JAK1: variants seen among roughly 807,000 people sequenced by gnomAD.
JAK1 encodes tyrosine-protein kinase JAK1.
A neutral mutation model predicts 136.6 loss-of-function variants in JAK1; 16 were observed. That is an observed-to-expected ratio of 0.12 (90% CI 0.08 to 0.18). The LOEUF (loss-of-function observed/expected upper bound fraction) is 0.18, where lower values mean the gene tolerates loss of function less well. Among genes scored for constraint, JAK1 ranks in the 10% least tolerant of loss-of-function variants. The probability of loss-of-function intolerance (pLI) is 1.00; values close to 1 mark genes in which losing one functional copy is unlikely to be tolerated. For missense variants in JAK1, 859 were observed against 1,450.1 expected (o/e 0.59, Z 6.62); for synonymous variants, 492 against 519.5 (o/e 0.95, Z 0.72).
chr1:64,835,421 G>A lies in JAK1; in HGVS notation c.3344C>T (p.Pro1115Leu), dbSNP rs543134894. ...CTCATCTGGACAGTTAGGTGGGCAC[G>A]GCAGGCGTTTTCCTTCTTTTAACGT... ...VNTLKEGKRL[P>L]CPPNCPDEVY... Residue 1115 changes from proline (P) to leucine (L), a missense_variant, in exon 24 of 25, where the codon CCG becomes CTG. Around this residue, in one of 4 missense-constraint regions of JAK1, gnomAD observed 53 missense variants for 64.8 expected, o/e 0.82. Coordinates refer to ENST00000342505, the MANE Select transcript of JAK1 (RefSeq NM_002227.4). 3.1e-5 allele frequency: 50 copies of A among 1,606,330 alleles called. No individual in the cohort carries two copies. In the Admixed American group the frequency reaches 4.5e-4, roughly 14 times the overall value.
chr1:64,860,731 C>T (rs942461404), intron 8 of JAK1, among the ~76,000 whole-genome samples: 1 of 151,938 alleles, frequency 6.6e-6, no homozygotes, highest in Admixed American at 6.6e-5. Context: ...GGGATTACAG[C>T]CGTGAGCCAC....
In JAK1 at chr1:64,834,204, T is replaced by C. The variant is rs1053125271; in HGVS notation, c.*358A>G. The C allele has an allele frequency of 4.0e-6, 1 of 252,932 alleles. No individual in the cohort carries two copies. The highest frequency in any genetic ancestry group is 2.2e-5 in the African/African-American group (1 of 45,832). The allele number at this position is 252,932 out of a possible 1,614,324, so 15.7% of individuals were successfully genotyped here. A position where few individuals can be genotyped will look rare whatever the true frequency, so the allele number is the denominator to read the frequency against. Reference sequence around the variant, plus strand: ...GAAAAGCAATCATCTTCAGATATTATTTTGGTCAACTCCTCGTTTTCAAAA... The same window carrying C: ...GAAAAGCAATCATCTTCAGATATTACTTTGGTCAACTCCTCGTTTTCAAAA... On this transcript the variant is annotated 3_prime_UTR_variant, in exon 25 of 25. Coordinates refer to ENST00000342505, the MANE Select transcript of JAK1 (RefSeq NM_002227.4).
chr1:64,881,665 G>A (rs1186340114), intron 3 of JAK1, among the ~76,000 whole-genome samples: 2 of 152,144 alleles, frequency 1.3e-5, no homozygotes, highest in Non-Finnish European at 2.9e-5. Flanking sequence ...CTATAAGGTA[G>A]GCTAGAAACC....
intron 2 of JAK1, chr1:64,987,790 T>C (rs1459475206): frequency 6.6e-6 from 1 of 152,230 alleles, no homozygotes; most frequent in African/African-American, 2.4e-5. Context: ...TAAACAATGA[T>C]GCAAGACCTA....
At chr1:64,946,484 A>G (rs1645988669) in intron 1 of JAK1, among the ~76,000 whole-genome samples, 1 of 152,356 alleles carries the variant, frequency 6.6e-6, no homozygotes, top group East Asian at 1.9e-4. Context: ...GCATCATAGT[A>G]AAAATTAAAA....
At chr1:64,927,891 G>A (rs1317082355) in intron 1 of JAK1, among the ~76,000 whole-genome samples, 1 of 152,214 alleles carries the variant, frequency 6.6e-6, no homozygotes, top group Non-Finnish European at 1.5e-5. Flanking sequence ...CCCAACTGAG[G>A]TAAGAAAGTG....
intron 1 of JAK1, among the ~76,000 whole-genome samples, chr1:64,927,145 T>C (rs1645596552): frequency 6.6e-6 from 1 of 152,202 alleles, no homozygotes; most frequent in African/African-American, 2.4e-5. Context: ...TGTGCTCACC[T>C]CTGATGGGCG....
chr1:64,933,964 T>C (rs1645743034), intron 1 of JAK1, among the ~76,000 whole-genome samples: 1 of 152,164 alleles, frequency 6.6e-6, no homozygotes, highest in Non-Finnish European at 1.5e-5. Context: ...TCTCAAGCAA[T>C]ACACACTAAA....
intron 1 of JAK1, among the ~76,000 whole-genome samples, chr1:64,943,560 T>C (rs1046421060): frequency 1.3e-5 from 2 of 152,168 alleles, no homozygotes; most frequent in African/African-American, 4.8e-5. Context: ...TCTTACATCA[T>C]AGACTAAAAT....
intron 2 of JAK1, among the ~76,000 whole-genome samples, chr1:64,885,310 T>G (rs1644834867): frequency 6.6e-6 from 1 of 152,144 alleles, no homozygotes; most frequent in Admixed American, 6.5e-5. Flanking sequence ...AAAGCCTGCT[T>G]CATAATGTAA....
rs1644771797 is a variant in JAK1 at position 64,881,490 on chromosome 1, A to C, written c.205+1787T>G. Among the ~76,000 whole-genome samples, 3 of 152,124 alleles carry C rather than the reference A, an allele frequency of 2.0e-5. No individual in the cohort carries two copies. The South Asian group carries it at 6.2e-4, about 32-fold the overall frequency. ...TGAGAACTAAACAAAACTTTACCCC[A>C]CAGAGGTGAAAAACAGGAAAGAAAA... On this transcript the variant is annotated intron_variant, in intron 3 of 24. Transcript: ENST00000342505.
intron 1 of JAK1, among the ~76,000 whole-genome samples, chr1:64,929,667 GGTAA>G (rs1645653410): frequency 6.6e-6 from 1 of 152,012 alleles, no homozygotes; most frequent in Non-Finnish European, 1.5e-5. Context: ...ATTTATTTAG[GGTAA>G]GTAAATGGAT....
At position 64,845,761 on chromosome 1, in the gene JAK1, G is replaced by T. The variant is rs35276907; in HGVS notation, c.1988-121C>A. On this transcript the variant is annotated intron_variant, in intron 14 of 24. Transcript: ENST00000342505. ...GGCCTCAGAGTACACAGATATCCTT[G>T]GGGGGTGCAATGGTGCAGGGGCTTC... The T allele has an allele frequency of 2.0e-4, 246 of 1,220,818 alleles. No individual in the cohort carries two copies. The African/African-American group carries it at 2.9e-3, about 14-fold the overall frequency. 75.6% of individuals were successfully genotyped at this position (1,220,818 alleles called of 1,614,324 possible). A position where few individuals can be genotyped will look rare whatever the true frequency, so the allele number is the denominator to read the frequency against.
At chr1:64,848,979 T>TCCATC (rs1292573628) in intron 12 of JAK1, among the ~76,000 whole-genome samples, 1 of 152,188 alleles carries the variant, frequency 6.6e-6, no homozygotes, top group Non-Finnish European at 1.5e-5. Flanking sequence ...CATGAAGTGA[T>TCCATC]CCATCAAGGT....
At chr1:65,047,330 C>A (rs1248141904) in intron 1 of JAK1, among the ~76,000 whole-genome samples, 2 of 152,182 alleles carry the variant, frequency 1.3e-5, no homozygotes, top group Non-Finnish European at 2.9e-5. Context: ...GTTTCCATAT[C>A]TGTAAATGGG....
chr1:64,860,335 G>A lies in JAK1; in HGVS notation c.1177-73C>T. On this transcript the variant is annotated intron_variant, in intron 8 of 24. Coordinates refer to ENST00000342505, the MANE Select transcript of JAK1 (RefSeq NM_002227.4). Reference sequence around the variant, plus strand: ...CTTAAGTGGCTGACTCTGTAGGGAGGTGCACAGTGAGAAGATTTTTATAAC... The same window carrying A: ...CTTAAGTGGCTGACTCTGTAGGGAGATGCACAGTGAGAAGATTTTTATAAC... 7.0e-6 allele frequency: 9 copies of A among 1,288,238 alleles called. 1 individual carries two copies. The South Asian group carries it at 1.8e-4, about 25-fold the overall frequency. The allele number at this position is 1,288,238 out of a possible 1,614,324, so 79.8% of individuals were successfully genotyped here.
At chr1:64,889,332 G>A (rs895881912) in intron 1 of JAK1, among the ~76,000 whole-genome samples, 3 of 152,084 alleles carry the variant, frequency 2.0e-5, no homozygotes, top group African/African-American at 7.2e-5. Flanking sequence ...TGAATATAAA[G>A]ACACTTAGAA....
At chr1:64,999,896 G>A (rs1326769212) in intron 2 of JAK1, among the ~76,000 whole-genome samples, 1 of 151,906 alleles carries the variant, frequency 6.6e-6, no homozygotes, top group African/African-American at 2.4e-5. Context: ...CTATATTCTG[G>A]CATGTCTGGC....
chr1:64,871,827 T>C (rs1321533457), intron 5 of JAK1, among the ~76,000 whole-genome samples: 1 of 152,248 alleles, frequency 6.6e-6, no homozygotes, highest in Admixed American at 6.5e-5. Context: ...TCTCAGCTTG[T>C]ATGTTTCGAG....
Sources: allele counts gnomAD v4.1 joint callset (sites outside exome capture counted in the v4.1 genomes callset), GRCh38; gene constraint gnomAD v4.1.1; regional missense constraint gnomAD v4.1.1; transcripts MANE v1.5; gene names NCBI Gene and HGNC (gene_info 2026-07-23, HGNC 2026-07-21).